Variants in MLLT10 observed in about 807,000 individuals in gnomAD.
The protein encoded by MLLT10 is protein AF-10.
MLLT10 carries 30 observed loss-of-function variants against 129.1 expected under a neutral mutation model. The observed-to-expected ratio is 0.23, with a 90% CI of 0.17 to 0.32. The LOEUF (loss-of-function observed/expected upper bound fraction) is 0.32, where lower values mean the gene tolerates loss of function less well. MLLT10 is among the 10% of genes least tolerant of loss of function. The pLI, the probability that MLLT10 is intolerant of heterozygous loss-of-function variation, is 1.00. For synonymous variants in MLLT10, 490 were observed against 446.4 expected, an observed-to-expected ratio of 1.10 and a Z score of -1.23; for missense variants, 1,119 against 1,268.3, an observed-to-expected ratio of 0.88 and a Z score of 1.79.
intron 3 of MLLT10, chr10:21,556,688 C>G (rs961037865): frequency 6.2e-7 from 1 of 1,612,578 alleles, no homozygotes; most frequent in Non-Finnish European, 8.5e-7. Flanking sequence ...AAACGTCACT[C>G]CTGGATACAT....
At chr10:21,630,204 T>C (rs1035072536) in intron 8 of MLLT10, among the ~76,000 whole-genome samples, 4 of 152,144 alleles carry the variant, frequency 2.6e-5, no homozygotes, top group Non-Finnish European at 2.9e-5. Context: ...CAAAAGTGTT[T>C]AAAATAATGG....
intron 16 of MLLT10, among the ~76,000 whole-genome samples, chr10:21,730,210 G>C (rs1000878399): frequency 2.7e-5 from 4 of 150,442 alleles, no homozygotes; most frequent in African/African-American, 7.3e-5. Context: ...TGGGAGGATT[G>C]CTTGAACCCA....
rs375777975 is a variant in MLLT10, at chr10:21,621,385, T to C, written c.699+4178T>C. On this transcript the variant is annotated intron_variant, in intron 8 of 22. Coordinates refer to ENST00000307729, the MANE Select transcript of MLLT10 (RefSeq NM_001195626.3). ...TCAGCCTCCCGAGTAGCTAGGATTA[T>C]AGGCGCCCGCCAACACGCCCGGCTA... Among the ~76,000 whole-genome samples, 5 of 146,110 alleles carry C rather than the reference T, an allele frequency of 3.4e-5. No individual in the cohort carries two copies. The East Asian group carries it at 8.3e-4, about 24-fold the overall frequency.
At chr10:21,596,570 T>C (rs2043033033) in intron 5 of MLLT10, among the ~76,000 whole-genome samples, 1 of 152,008 alleles carries the variant, frequency 6.6e-6, no homozygotes, top group South Asian at 2.1e-4. Flanking sequence ...GTGAGATTGC[T>C]CATAACCCTA....
chr10:21,730,708 G>A (rs2057899330), intron 16 of MLLT10, among the ~76,000 whole-genome samples, 192 bp from the exon 17 acceptor site: 1 of 151,956 alleles, frequency 6.6e-6, no homozygotes, highest in Non-Finnish European at 1.5e-5. Flanking sequence ...CTATAATATT[G>A]GGAGGAAGAA....
chr10:21,699,235 C>CTT (rs779156884), intron 13 of MLLT10, among the ~76,000 whole-genome samples: 129 of 137,600 alleles, frequency 9.4e-4, no homozygotes, highest in African/African-American at 3.2e-3. Flanking sequence ...TTAATGGTAT[C>CTT]TTTTTTTTTT....
chr10:21,674,528 A>G (rs1009427781), intron 11 of MLLT10, among the ~76,000 whole-genome samples: 1 of 152,168 alleles, frequency 6.6e-6, no homozygotes, highest in South Asian at 2.1e-4. Context: ...TTTTATTATA[A>G]GACAAGTGAG....
intron 13 of MLLT10, among the ~76,000 whole-genome samples, chr10:21,692,521 C>T (rs1015120838): frequency 1.3e-5 from 2 of 151,862 alleles, no homozygotes; most frequent in East Asian, 1.9e-4. Context: ...CTTGCTTAGT[C>T]CAGGCTGGAG....
At chr10:21,604,013 A>G (rs1250045383) in intron 5 of MLLT10, among the ~76,000 whole-genome samples, 2 of 152,072 alleles carry the variant, frequency 1.3e-5, no homozygotes, top group African/African-American at 4.8e-5. Flanking sequence ...AAATAAGGTT[A>G]CTGTGTAAGA....
intron 13 of MLLT10, among the ~76,000 whole-genome samples, chr10:21,702,127 A>G (rs938858290): frequency 2.0e-5 from 3 of 148,126 alleles, no homozygotes; most frequent in African/African-American, 7.5e-5. Flanking sequence ...GGATTTCACC[A>G]TGTTGGCCAG....
intron 3 of MLLT10, among the ~76,000 whole-genome samples, chr10:21,573,596 C>CT (rs869065926): frequency 1.8e-3 from 251 of 143,242 alleles, no homozygotes; most frequent in East Asian, 4.8e-3. Context: ...GTGTATTATT[C>CT]TTTTTTTTTT....
At chr10:21,614,165 C>T (rs1269237469) in intron 6 of MLLT10, among the ~76,000 whole-genome samples, 3 of 142,670 alleles carry the variant, frequency 2.1e-5, no homozygotes, top group African/African-American at 7.9e-5. Flanking sequence ...CTGCAGTGAG[C>T]TTTCATTGCA....
intron 13 of MLLT10, among the ~76,000 whole-genome samples, chr10:21,702,152 C>T (rs1281476788): frequency 6.7e-6 from 1 of 148,456 alleles, no homozygotes; most frequent in Non-Finnish European, 1.5e-5. Flanking sequence ...ATCTCAATCT[C>T]TTGACCTTGT....
intron 3 of MLLT10, among the ~76,000 whole-genome samples, chr10:21,586,029 A>T (rs1326015770): frequency 6.6e-6 from 1 of 152,114 alleles, no homozygotes; most frequent in African/African-American, 2.4e-5. Flanking sequence ...CCAAAGTTCT[A>T]AGATTTACAG....
At chr10:21,630,072 T>G (rs1002563414) in intron 8 of MLLT10, among the ~76,000 whole-genome samples, 2 of 152,208 alleles carry the variant, frequency 1.3e-5, no homozygotes, top group African/African-American at 4.8e-5. Context: ...AAGAGAAGCA[T>G]GTAGGTGAAT....
At chr10:21,666,475 C>A (rs1047471003) in intron 9 of MLLT10, among the ~76,000 whole-genome samples, 2 of 151,860 alleles carry the variant, frequency 1.3e-5, no homozygotes, top group African/African-American at 4.8e-5. Context: ...ACCATCCTGC[C>A]CAACATGGTG....
intron 8 of MLLT10, among the ~76,000 whole-genome samples, chr10:21,651,095 G>A (rs1002302647): frequency 2.7e-5 from 4 of 149,906 alleles, no homozygotes; most frequent in African/African-American, 7.4e-5. Context: ...TTGTTGAGAC[G>A]GAGTCTCACA....
At chr10:21,733,151 A>ATAAT in intron 18 of MLLT10, 64 bp downstream of exon 18, 1 of 1,455,408 alleles carries the variant, frequency 6.9e-7, no homozygotes, top group Admixed American at 2.3e-5. Flanking sequence ...TTTGTATTAT[A>ATAAT]AGTGAGTAAT....
chr10:21,671,555 T>A (rs2051406375), intron 10 of MLLT10, among the ~76,000 whole-genome samples: 1 of 152,054 alleles, frequency 6.6e-6, no homozygotes, highest in African/African-American at 2.4e-5. Flanking sequence ...TGAGGCTCAG[T>A]CAGGTGGATC....
Sources: allele counts gnomAD v4.1 joint callset (sites outside exome capture counted in the v4.1 genomes callset), GRCh38; gene constraint gnomAD v4.1.1; transcripts MANE v1.5; gene names NCBI Gene and HGNC (gene_info 2026-07-23, HGNC 2026-07-21).